The following AGTR1 variants were observed in gnomAD, a reference collection of about 807,000 sequenced individuals.
AGTR1 encodes the protein angiotensin II receptor type 1.
A neutral mutation model predicts 19.4 loss-of-function variants in AGTR1; 16 were observed. The ratio of observed to expected loss-of-function variants is 0.82; its 90% confidence interval spans 0.56 to 1.25. The LOEUF (loss-of-function observed/expected upper bound fraction) is 1.25, where lower values mean the gene tolerates loss of function less well. Ranked by LOEUF, AGTR1 falls within the 50% of genes most tolerant of loss-of-function variation. The probability of loss-of-function intolerance (pLI) is 0.00; values close to 1 mark genes in which losing one functional copy is unlikely to be tolerated. For missense variants in AGTR1, 373 were observed against 431.9 expected (o/e 0.86, Z 1.21); for synonymous variants, 153 against 154.9 (o/e 0.99, Z 0.09).
intron 2 of AGTR1, among the ~76,000 whole-genome samples, chr3:148,735,016 TA>T (rs1378641912): frequency 1.3e-5 from 2 of 152,156 alleles, no homozygotes; most frequent in Admixed American, 6.6e-5. Context: ...CAGCTCTGAA[TA>T]AAAGTTAAGA....
intron 1 of AGTR1, among the ~76,000 whole-genome samples, chr3:148,698,556 A>G (rs1450877157): frequency 6.6e-6 from 1 of 152,142 alleles, no homozygotes; most frequent in East Asian, 1.9e-4. Context: ...GGTGAAGTTA[A>G]GAGTGTCTCC....
Position 148,716,828 on chromosome 3 carries a change from A to C in AGTR1, c.-48+8801A>C, listed in dbSNP as rs181193636. Among the ~76,000 whole-genome samples the C allele has an allele frequency of 1.1e-3, 167 of 152,260 alleles. No homozygotes were observed. Among genetic ancestry groups the C allele is most frequent in the Admixed American group, 2.4e-3 (37 of 15,294 alleles). On this transcript the variant is annotated intron_variant, in intron 2 of 2. Coordinates refer to ENST00000349243, the MANE Select transcript of AGTR1 (RefSeq NM_000685.5). This position sits in a 1 kb window ranked among gnomAD's most constrained non-coding sequence, Gnocchi z 4.7. ...AACCTTAGTTTTTTAACTGCTCTGA[A>C]AATGGTTTCTGTCCCTGGTGGACTC...
Position 148,742,599 on chromosome 3 carries a change from C to CT in AGTR1, c.*484_*485insT, listed in dbSNP as rs1714983381. 4.0e-6 allele frequency: 1 copy of CT among 251,604 alleles called. No homozygotes were observed. Among genetic ancestry groups the CT allele is most frequent in the South Asian group, 5.2e-5 (1 of 19,274 alleles). 15.6% of individuals were successfully genotyped at this position (251,604 alleles called of 1,614,324 possible). On this transcript the variant is annotated 3_prime_UTR_variant, in exon 3 of 3. Coordinates refer to ENST00000349243, the MANE Select transcript of AGTR1 (RefSeq NM_000685.5). ...TGCTACACTTGCACCTGGTACTGCA[C>CT]ATTTTGTACAAAGATATGCTAAGCA...
At chr3:148,723,431 T>C (rs1576532371) in intron 2 of AGTR1, among the ~76,000 whole-genome samples, 2 of 152,190 alleles carry the variant, frequency 1.3e-5, no homozygotes, top group East Asian at 3.8e-4. Flanking sequence ...TTCAGTCCCT[T>C]TCACTACTGA....
chr3:148,726,055 C>T (rs1713913774), intron 2 of AGTR1, among the ~76,000 whole-genome samples: 1 of 152,112 alleles, frequency 6.6e-6, no homozygotes, highest in Non-Finnish European at 1.5e-5. Context: ...AACACTCTTC[C>T]AAGGGCAAGG....
At chr3:148,739,941 G>A in intron 2 of AGTR1, 1 of 1,231,850 alleles carries the variant, frequency 8.1e-7, no homozygotes, top group Non-Finnish European at 1.0e-6. Flanking sequence ...CTCAGAGTGT[G>A]GCTGTACCAC....
At position 148,733,759 on chromosome 3, in the gene AGTR1, T is replaced by C. The variant is rs568665883; in HGVS notation, c.-47-7230T>C. 5.9e-5 allele frequency among the ~76,000 whole-genome samples: 9 copies of C among 152,282 alleles called. No homozygotes were observed. The South Asian group carries it at 1.9e-3, about 32-fold the overall frequency. On this transcript the variant is annotated intron_variant, in intron 2 of 2. Coordinates refer to ENST00000349243, the MANE Select transcript of AGTR1 (RefSeq NM_000685.5). ...TGAGAAAATTCTATGAGTCTATAAGTTTGAAGAATTTAGAAGTGTAAGAGG... is the reference window on the plus strand; with the variant it reads ...TGAGAAAATTCTATGAGTCTATAAGCTTGAAGAATTTAGAAGTGTAAGAGG...
intron 2 of AGTR1, among the ~76,000 whole-genome samples, chr3:148,723,118 A>T (rs764462479): frequency 6.6e-6 from 1 of 152,188 alleles, no homozygotes; most frequent in Non-Finnish European, 1.5e-5. Flanking sequence ...TCCAGGATTA[A>T]TCCTGTGTAA....
Position 148,716,294 on chromosome 3 carries a change from A to C in AGTR1, c.-48+8267A>C, listed in dbSNP as rs890924744. ...TCACAGAACTAAAAAGGAGGCTCCT[A>C]GAAATGGGGTTGTGTTGAGTTGACA... On this transcript the variant is annotated intron_variant, in intron 2 of 2. Transcript: ENST00000349243. The surrounding 1 kb of genome is among the most constrained non-coding windows in gnomAD (Gnocchi z 4.7). Among the ~76,000 whole-genome samples the C allele has an allele frequency of 6.6e-6, 1 of 152,158 alleles. No homozygotes were observed. Among genetic ancestry groups the C allele is most frequent in the Non-Finnish European group, 1.5e-5 (1 of 68,030 alleles).
chr3:148,740,771 A>G (rs928380052), intron 2 of AGTR1, among the ~76,000 whole-genome samples: 2 of 152,218 alleles, frequency 1.3e-5, no homozygotes, highest in African/African-American at 4.8e-5. Flanking sequence ...ACTTCTCTGG[A>G]TGATACCATT....
intron 2 of AGTR1, chr3:148,731,542 G>A (rs192724673): frequency 1.1e-4 from 17 of 152,170 alleles, no homozygotes; most frequent in African/African-American, 3.9e-4. Context: ...ACTTACCCTT[G>A]TATTATAGAA....
intron 2 of AGTR1, among the ~76,000 whole-genome samples, chr3:148,722,566 T>C (rs903830484): frequency 4.6e-5 from 7 of 152,174 alleles, no homozygotes; most frequent in Non-Finnish European, 8.8e-5. Context: ...GGTGCCACTC[T>C]GTAGCCCCTT....
chr3:148,728,160 C>G lies in AGTR1; in HGVS notation c.-47-12829C>G, dbSNP rs1030083806. Among the ~76,000 whole-genome samples the G allele has an allele frequency of 1.8e-4, 27 of 152,218 alleles. 2 individuals are homozygous for G. Among genetic ancestry groups the G allele is most frequent in the Middle Eastern group, 3.4e-3 (1 of 294 alleles). On this transcript the variant is annotated intron_variant, in intron 2 of 2. Coordinates refer to ENST00000349243, the MANE Select transcript of AGTR1 (RefSeq NM_000685.5). ...AAAAGTAAAAATAATAATAATAGAG[C>G]CTTGAAACATTACTTACAGAATGTC...
At chr3:148,732,944 T>G (rs956665450) in intron 2 of AGTR1, among the ~76,000 whole-genome samples, 2 of 151,146 alleles carry the variant, frequency 1.3e-5, no homozygotes, top group South Asian at 2.1e-4. Context: ...GTTTCACCGT[T>G]TTAGCCGGGA....
At chr3:148,719,990 C>T (rs1156593406) in intron 2 of AGTR1, among the ~76,000 whole-genome samples, 5 of 152,090 alleles carry the variant, frequency 3.3e-5, no homozygotes, top group African/African-American at 1.2e-4. Flanking sequence ...TCACTATGTA[C>T]AAGTATCTCT....
intron 1 of AGTR1, among the ~76,000 whole-genome samples, chr3:148,700,279 A>T (rs1712261898): frequency 1.3e-5 from 2 of 152,260 alleles, no homozygotes; most frequent in South Asian, 4.1e-4. Flanking sequence ...TGCTAGAGGG[A>T]AAATAAGGAA....
intron 2 of AGTR1, among the ~76,000 whole-genome samples, chr3:148,729,520 A>G (rs1004897496): frequency 6.6e-6 from 1 of 152,216 alleles, no homozygotes; most frequent in Admixed American, 6.5e-5. Flanking sequence ...TTTAATTTCA[A>G]ATCTGATGTG....
chr3:148,708,820 C>T (rs1712820331), intron 2 of AGTR1, among the ~76,000 whole-genome samples: 1 of 152,220 alleles, frequency 6.6e-6, no homozygotes, highest in Non-Finnish European at 1.5e-5. Context: ...CCCTCAGCTT[C>T]TCCTAGTCCC....
At chr3:148,720,854 G>A (rs910123097) in intron 2 of AGTR1, among the ~76,000 whole-genome samples, 4 of 152,142 alleles carry the variant, frequency 2.6e-5, no homozygotes, top group African/African-American at 7.2e-5. Context: ...GTGGGCAGAT[G>A]TTCTCAATTA....
Sources: allele counts gnomAD v4.1 joint callset (sites outside exome capture counted in the v4.1 genomes callset), GRCh38; gene constraint gnomAD v4.1.1; non-coding constraint Gnocchi (gnomAD v3.1); transcripts MANE v1.5; gene names NCBI Gene and HGNC (gene_info 2026-07-23, HGNC 2026-07-21).